Variants in CLVS1 observed in about 807,000 individuals in gnomAD.
The protein encoded by CLVS1 is clavesin 1, also known as clavesin-1.
In CLVS1, 10 loss-of-function variants were observed where a neutral mutation model predicts 33.1. That is an observed-to-expected ratio of 0.30 (90% CI 0.19 to 0.51). The LOEUF (loss-of-function observed/expected upper bound fraction) is 0.51. CLVS1 is among the 20% of genes least tolerant of loss of function. The pLI, the probability that CLVS1 is intolerant of heterozygous loss-of-function variation, is 0.97. For synonymous variants in CLVS1, 163 were observed against 166.1 expected (o/e 0.98, Z 0.14); for missense variants, 343 against 433.4 (o/e 0.79, Z 1.85).
At chr8:61,196,807 G>A (rs775500126) in intron 2 of CLVS1, among the ~76,000 whole-genome samples, 51 of 152,206 alleles carry the variant, frequency 3.4e-4, no homozygotes, top group Non-Finnish European at 5.6e-4. Flanking sequence ...ATTTAGGCAT[G>A]TGGCCATCTA....
the CLVS1 span, among the ~76,000 whole-genome samples, chr8:60,988,494 A>G: frequency 1.3e-5 from 2 of 152,100 alleles, no homozygotes; most frequent in African/African-American, 2.4e-5. Context: ...CACCAGAACC[A>G]GAGTCATTCT....
chr8:61,110,152 A>G (rs777079722), intron 1 of CLVS1, among the ~76,000 whole-genome samples: 39 of 152,264 alleles, frequency 2.6e-4, no homozygotes, highest in Non-Finnish European at 1.9e-4. Flanking sequence ...CACTTGGGAA[A>G]TTAATCCCCC....
chr8:61,353,733 TAAAGAAAG>T (rs144108492), intron 2 of CLVS1, among the ~76,000 whole-genome samples: 1 of 141,938 alleles, frequency 7.0e-6, no homozygotes, highest in African/African-American at 2.6e-5. Context: ...AAAAAAAAAA[TAAAGAAAG>T]AACAAAAATC....
chr8:61,428,592 T>C (rs565262191), intron 3 of CLVS1, among the ~76,000 whole-genome samples: 32 of 152,346 alleles, frequency 2.1e-4, no homozygotes, highest in African/African-American at 7.7e-4. Flanking sequence ...ATAGCAGATT[T>C]GAATTGTGCT....
intron 5 of CLVS1, among the ~76,000 whole-genome samples, chr8:61,495,367 G>A (rs985663587): frequency 3.9e-5 from 6 of 152,252 alleles, no homozygotes; most frequent in South Asian, 4.1e-4. Context: ...CTCATAGTCC[G>A]TTGCATACAG....
chr8:61,065,461 G>A lies in CLVS1; in HGVS notation c.-243+8231G>A, dbSNP rs369300946. On this transcript the variant is annotated intron_variant, in intron 1 of 2. Transcript: ENST00000522621. ...GAGAGGGGCACAAATAAAGGTTTCT[G>A]CTGTAACCCACATAAAAGGTGAAGG... Among the ~76,000 whole-genome samples, 5 of 152,230 alleles carry A rather than the reference G, an allele frequency of 3.3e-5. No individual in the cohort carries two copies. The East Asian group carries it at 7.7e-4, about 23-fold the overall frequency.
At chr8:61,131,506 C>T (rs897226533) in intron 1 of CLVS1, among the ~76,000 whole-genome samples, 1 of 152,012 alleles carries the variant, frequency 6.6e-6, no homozygotes, top group Non-Finnish European at 1.5e-5. Flanking sequence ...TGAGGAAGGA[C>T]GGGCCTTTGG....
chr8:61,068,219 G>GTA, intron 1 of CLVS1, among the ~76,000 whole-genome samples: 1 of 104,354 alleles, frequency 9.6e-6, no homozygotes, highest in African/African-American at 3.7e-5. Context: ...ATATATATAT[G>GTA]TATGTATGTG....
At chr8:61,365,609 G>T (rs1459601594) in intron 2 of CLVS1, among the ~76,000 whole-genome samples, 1 of 152,112 alleles carries the variant, frequency 6.6e-6, no homozygotes, top group Non-Finnish European at 1.5e-5. Flanking sequence ...ATTCACTCAT[G>T]TCGGGGAGAT....
At chr8:61,063,022 C>T (rs762965138) in intron 1 of CLVS1, among the ~76,000 whole-genome samples, 14 of 152,050 alleles carry the variant, frequency 9.2e-5, no homozygotes, top group Non-Finnish European at 1.8e-4. Context: ...ACTATGACAT[C>T]GAAACTATTA....
chr8:61,277,638 G>A (rs1388680506), intron 2 of CLVS1, among the ~76,000 whole-genome samples: 1 of 152,050 alleles, frequency 6.6e-6, no homozygotes. Flanking sequence ...TGCTTGGGGG[G>A]GTAGGGAAGA....
At position 61,421,623 on chromosome 8, in the gene CLVS1, A is replaced by C. The variant is rs570040498; in HGVS notation, c.631-32518A>C. ...CCAGCTATACCATTCCTAAGTGCACAGCAGGCAGGCTCAACTCTGCCGGAT... is the reference window on the plus strand; with the variant it reads ...CCAGCTATACCATTCCTAAGTGCACCGCAGGCAGGCTCAACTCTGCCGGAT... On this transcript the variant is annotated intron_variant, in intron 3 of 5. Transcript: ENST00000325897. Among the ~76,000 whole-genome samples the C allele has an allele frequency of 5.3e-5, 8 of 152,364 alleles. No homozygotes were observed. In the South Asian group the frequency reaches 1.7e-3, roughly 32 times the overall value.
intron 2 of CLVS1, chr8:61,300,766 G>A (rs1214233976): frequency 1.3e-5 from 2 of 153,300 alleles, no homozygotes; most frequent in African/African-American, 4.8e-5. Flanking sequence ...AGACCTATAA[G>A]GGACCCAAAA....
chr8:61,262,785 TC>T (rs1809232771), intron 2 of CLVS1, among the ~76,000 whole-genome samples: 1 of 152,102 alleles, frequency 6.6e-6, no homozygotes. Flanking sequence ...GCTCCCACCC[TC>T]CCTGTTCTTT....
intron 2 of CLVS1, among the ~76,000 whole-genome samples, chr8:61,181,376 G>A (rs1027408044): frequency 1.3e-5 from 2 of 152,140 alleles, no homozygotes; most frequent in African/African-American, 4.8e-5. Flanking sequence ...TGGATAGAAA[G>A]AATCAATATC....
chr8:61,112,443 C>T (rs1223684885), intron 1 of CLVS1, among the ~76,000 whole-genome samples: 2 of 152,184 alleles, frequency 1.3e-5, no homozygotes, highest in Non-Finnish European at 2.9e-5. Flanking sequence ...GATTTTGTAT[C>T]AGAGCTCTGC....
intron 2 of CLVS1, among the ~76,000 whole-genome samples, chr8:61,170,588 G>C (rs567098349): frequency 6.6e-6 from 1 of 152,248 alleles, no homozygotes; most frequent in East Asian, 1.9e-4. Flanking sequence ...GCTGACCCAG[G>C]TTTGAACCTT....
intron 2 of CLVS1, among the ~76,000 whole-genome samples, chr8:61,163,615 T>C (rs2129297022): frequency 6.6e-6 from 1 of 152,340 alleles, no homozygotes; most frequent in Non-Finnish European, 1.5e-5. Flanking sequence ...CTGGGGTTCT[T>C]GGCCTCACAG....
intron 2 of CLVS1, among the ~76,000 whole-genome samples, chr8:61,338,278 T>C (rs544190667): frequency 5.3e-5 from 8 of 151,922 alleles, no homozygotes; most frequent in African/African-American, 1.9e-4. Context: ...AATAGGAAAA[T>C]GGAAAAAAAA....
Sources: allele counts gnomAD v4.1 joint callset (sites outside exome capture counted in the v4.1 genomes callset), GRCh38; gene constraint gnomAD v4.1.1; transcripts MANE v1.5; gene names NCBI Gene and HGNC (gene_info 2026-07-23, HGNC 2026-07-21).